RETREG1: variants seen among roughly 807,000 people sequenced by gnomAD.
RETREG1 encodes reticulophagy regulator 1, also known as family with sequence similarity 134 member B.
RETREG1 carries 44 observed loss-of-function variants against 54.8 expected under a neutral mutation model. That is an observed-to-expected ratio of 0.80 (90% CI 0.63 to 1.03). The LOEUF is 1.03. Among genes scored for constraint, RETREG1 ranks in the 50% least tolerant of loss-of-function variants. RETREG1 has a pLI of 0.00. For synonymous variants in RETREG1, 217 were observed against 238.5 expected, an observed-to-expected ratio of 0.91 and a Z score of 0.83; for missense variants, 554 against 605.1, an observed-to-expected ratio of 0.92 and a Z score of 0.89.
intron 3 of RETREG1, among the ~76,000 whole-genome samples, chr5:16,504,493 G>A (rs1002932130): frequency 1.3e-5 from 2 of 152,036 alleles, no homozygotes; most frequent in African/African-American, 2.4e-5. Context: ...CCATCACACC[G>A]CTGCCTACCT....
chr5:16,555,520 T>A (rs2560830), intron 3 of RETREG1, among the ~76,000 whole-genome samples: 124,986 of 152,152 alleles, frequency 0.82, 51,325 homozygotes, highest in Middle Eastern at 0.87. Flanking sequence ...CTCAATAAAT[T>A]TCTGTTGAAA....
Position 16,473,081 on chromosome 5 carries a change from T to G in RETREG1, c.*1660A>C, listed in dbSNP as rs1356877694. 1 of 152,396 alleles carries G rather than the reference T, an allele frequency of 6.6e-6. No homozygotes were observed. Among genetic ancestry groups the G allele is most frequent in the Non-Finnish European group, 1.5e-5 (1 of 67,994 alleles). 9.4% of individuals were successfully genotyped at this position (152,396 alleles called of 1,614,324 possible). On this transcript the variant is annotated 3_prime_UTR_variant, in exon 9 of 9. Transcript: ENST00000306320. ...TATAAATATGTAACTGTATTTTTCT[T>G]CCTGTCCAGAAACTGTTATTGAATA...
intron 3 of RETREG1, among the ~76,000 whole-genome samples, chr5:16,555,798 AAG>A (rs1277681469): frequency 6.6e-6 from 1 of 152,224 alleles, no homozygotes; most frequent in Non-Finnish European, 1.5e-5. Context: ...AATAAATAAT[AAG>A]AGAAATAGAT....
intron 3 of RETREG1, among the ~76,000 whole-genome samples, chr5:16,521,097 G>A (rs543601390): frequency 6.6e-6 from 1 of 152,260 alleles, no homozygotes; most frequent in East Asian, 1.9e-4. Context: ...TCTGGTTTGT[G>A]ACTCCCTCTC....
intron 1 of RETREG1, among the ~76,000 whole-genome samples, chr5:16,604,212 G>T (rs530150499): frequency 6.6e-6 from 1 of 152,310 alleles, no homozygotes; most frequent in Admixed American, 6.5e-5. Context: ...TCCCCTTGCA[G>T]TCCAGCTTAT....
At chr5:16,525,755 T>C (rs1255960926) in intron 3 of RETREG1, among the ~76,000 whole-genome samples, 2 of 105,760 alleles carry the variant, frequency 1.9e-5, no homozygotes, top group Non-Finnish European at 4.2e-5. Flanking sequence ...AGGCTGTGTA[T>C]ATATATACAC....
Position 16,593,589 on chromosome 5 carries a change from T to G in RETREG1, c.321-21487A>C, listed in dbSNP as rs1365407479. On this transcript the variant is annotated intron_variant, in intron 1 of 8. Coordinates refer to ENST00000306320, the MANE Select transcript of RETREG1 (RefSeq NM_001034850.3). The surrounding 1 kb of genome is among the most constrained non-coding windows in gnomAD (Gnocchi z 4.9). ...CCAAATTGGGGGAAAAAAAAAACTATGGGGAACATTAAAATGTCTATACCA... is the reference window on the plus strand; with the variant it reads ...CCAAATTGGGGGAAAAAAAAAACTAGGGGGAACATTAAAATGTCTATACCA... Among the ~76,000 whole-genome samples the G allele has an allele frequency of 6.6e-6, 1 of 151,998 alleles. No homozygotes were observed. Among genetic ancestry groups the G allele is most frequent in the Non-Finnish European group, 1.5e-5 (1 of 68,010 alleles).
intron 3 of RETREG1, chr5:16,508,860 C>T: frequency 7.2e-7 from 1 of 1,384,068 alleles, no homozygotes; most frequent in Non-Finnish European, 9.3e-7. Context: ...ATCACTGCCC[C>T]CTTCTAAAAA....
intron 1 of RETREG1, among the ~76,000 whole-genome samples, chr5:16,580,004 G>A (rs1742440363): frequency 6.6e-6 from 1 of 152,160 alleles, no homozygotes; most frequent in Admixed American, 6.5e-5. Context: ...CAGCATGCTG[G>A]CTGAAGTTGA....
chr5:16,576,817 A>C (rs560103276), intron 1 of RETREG1, among the ~76,000 whole-genome samples: 1 of 150,808 alleles, frequency 6.6e-6, no homozygotes, highest in South Asian at 2.1e-4. Flanking sequence ...GGGTTTCACC[A>C]TGTTGGCCAG....
intron 3 of RETREG1, among the ~76,000 whole-genome samples, chr5:16,485,302 T>G (rs991667294): frequency 1.3e-5 from 2 of 152,136 alleles, no homozygotes; most frequent in Admixed American, 6.6e-5. Context: ...TTGCCCAATA[T>G]AATTCTAACA....
At chr5:16,572,138 G>A (rs1387760288) in intron 1 of RETREG1, 36 bp from the exon 2 acceptor site, 2 of 1,507,890 alleles carry the variant, frequency 1.3e-6, no homozygotes, top group Non-Finnish European at 1.8e-6. Flanking sequence ...ATTTCAATTT[G>A]AGGATTTTTA....
rs368820580 is a variant in RETREG1 at position 16,508,667 on chromosome 5, G to A, written c.459-25195C>T. On this transcript the variant is annotated intron_variant, in intron 3 of 8. Coordinates refer to ENST00000306320, the MANE Select transcript of RETREG1 (RefSeq NM_001034850.3). ...AAAGGCTGCAGCACCTGCTAACCAC[G>A]GCTAATGTGGCCAAACAATAGTTTC... The A allele has an allele frequency of 6.4e-4, 1,030 of 1,612,716 alleles. 1 individual carries two copies. The highest frequency in any genetic ancestry group is 1.2e-3 in the Middle Eastern group (7 of 6,080).
At chr5:16,531,639 C>T (rs965563952) in intron 3 of RETREG1, among the ~76,000 whole-genome samples, 1 of 152,002 alleles carries the variant, frequency 6.6e-6, no homozygotes, top group Non-Finnish European at 1.5e-5. Context: ...GAAGGGGTGC[C>T]TCTGTTAAGT....
rs73049796 is a variant in RETREG1, at chr5:16,567,279, G to A, written c.428-1486C>T. Reference sequence around the variant, plus strand: ...CAGGCATGAAAGGCCAGGGAGGAGTGGAGACAGGGTGCACTGAGAACTAAC... The same window carrying A: ...CAGGCATGAAAGGCCAGGGAGGAGTAGAGACAGGGTGCACTGAGAACTAAC... On this transcript the variant is annotated intron_variant, in intron 2 of 8. Coordinates refer to ENST00000306320, the MANE Select transcript of RETREG1 (RefSeq NM_001034850.3). 3.2e-3 allele frequency among the ~76,000 whole-genome samples: 490 copies of A among 152,280 alleles called. 3 individuals carry two copies. The highest frequency in any genetic ancestry group is 0.011 in the African/African-American group (475 of 41,552).
chr5:16,525,227 AG>A (rs1740670338), intron 3 of RETREG1, among the ~76,000 whole-genome samples: 1 of 130,892 alleles, frequency 7.6e-6, no homozygotes, highest in African/African-American at 3.0e-5. Context: ...TGGATTTGCG[AG>A]GGGGACACTG....
At position 16,605,912 on chromosome 5, in the gene RETREG1, C is replaced by T. The variant is rs541791580; in HGVS notation, c.320+10740G>A. Among the ~76,000 whole-genome samples, 6 of 152,324 alleles carry T rather than the reference C, an allele frequency of 3.9e-5. No homozygotes were observed. In the East Asian group the frequency reaches 1.2e-3, roughly 29 times the overall value. On this transcript the variant is annotated intron_variant, in intron 1 of 8. Coordinates refer to ENST00000306320, the MANE Select transcript of RETREG1 (RefSeq NM_001034850.3). ...AAGGCTCCACCTCTTAAAACTAATG[C>T]ACTGGGGAGAAGGTCTCAACATATG...
intron 3 of RETREG1, among the ~76,000 whole-genome samples, chr5:16,531,706 G>A (rs976703270): frequency 8.5e-5 from 13 of 152,226 alleles, no homozygotes; most frequent in Admixed American, 5.9e-4. Flanking sequence ...CAAGACACGC[G>A]TGGCACATCT....
chr5:16,580,707 CAGA>C (rs1385227364), intron 1 of RETREG1, among the ~76,000 whole-genome samples: 1 of 152,090 alleles, frequency 6.6e-6, no homozygotes, highest in African/African-American at 2.4e-5. Context: ...ACAGGCTGCC[CAGA>C]AGACCATGAG....
Sources: allele counts gnomAD v4.1 joint callset (sites outside exome capture counted in the v4.1 genomes callset), GRCh38; gene constraint gnomAD v4.1.1; non-coding constraint Gnocchi (gnomAD v3.1); transcripts MANE v1.5; gene names NCBI Gene and HGNC (gene_info 2026-07-23, HGNC 2026-07-21).